Variants in MMP20 observed in about 807,000 individuals in gnomAD.
The protein encoded by MMP20 is matrix metallopeptidase 20.
A neutral mutation model predicts 51.8 loss-of-function variants in MMP20; 50 were observed. That is an observed-to-expected ratio of 0.97 (90% CI 0.77 to 1.22). The LOEUF (loss-of-function observed/expected upper bound fraction) is 1.22. Ranked by LOEUF, MMP20 falls within the 50% of genes most tolerant of loss-of-function variation. The probability of loss-of-function intolerance (pLI) is 0.00; values close to 1 mark genes in which losing one functional copy is unlikely to be tolerated. For synonymous variants in MMP20, 244 were observed against 216.2 expected (o/e 1.13, Z -1.13); for missense variants, 663 against 601.4 (o/e 1.10, Z -1.07).
chr11:102,578,068 T>C (rs2135925899), intron 9 of MMP20, among the ~76,000 whole-genome samples: 1 of 152,312 alleles, frequency 6.6e-6, no homozygotes, highest in South Asian at 2.1e-4. Context: ...CAAAGTTCTA[T>C]TCAACTTTCC....
chr11:102,615,592 G>A (rs1054865423), intron 2 of MMP20, among the ~76,000 whole-genome samples: 1 of 152,102 alleles, frequency 6.6e-6, no homozygotes, highest in African/African-American at 2.4e-5. Flanking sequence ...CCACCGCCCT[G>A]GGGATAAAGT....
At chr11:102,595,416 C>A (rs1035689185) in intron 6 of MMP20, among the ~76,000 whole-genome samples, 4 of 152,182 alleles carry the variant, frequency 2.6e-5, no homozygotes, top group African/African-American at 7.2e-5. Flanking sequence ...TGCACCCCCC[C>A]ATTCCAAATA....
intron 3 of MMP20, 45 bp downstream of exon 3, chr11:102,611,710 C>A: frequency 6.2e-7 from 1 of 1,604,746 alleles, no homozygotes; most frequent in Non-Finnish European, 8.5e-7. Flanking sequence ...AGTATTGGGA[C>A]AACTCTCCTT....
At chr11:102,606,504 A>G (rs1859518137) in intron 6 of MMP20, 31 bp downstream of exon 6, 3 of 1,613,378 alleles carry the variant, frequency 1.9e-6, no homozygotes, top group East Asian at 4.5e-5. Flanking sequence ...GATGAGGCCC[A>G]ATGAGAGTCG....
rs144425539 is a variant in MMP20, at chr11:102,594,771, C to CAA, written c.954-16_954-15dup. ...CTCCAGAAAATCCTATGGGACATTC[C>CAA]AAAAAAAAAAAAAAAAAAAATCAAG... On this transcript the variant is annotated splice_polypyrimidine_tract_variant and intron_variant, in intron 6 of 9. Coordinates refer to ENST00000260228, the MANE Select transcript of MMP20 (RefSeq NM_004771.4). 2.7e-4 allele frequency: 384 copies of CAA among 1,403,202 alleles called. 2 individuals carry two copies. Among genetic ancestry groups the CAA allele is most frequent in the South Asian group, 8.7e-4 (64 of 73,248 alleles). The allele number at this position is 1,403,202 out of a possible 1,614,324, so 86.9% of individuals were successfully genotyped here. A position where few individuals can be genotyped will look rare whatever the true frequency, so the allele number is the denominator to read the frequency against.
Position 102,594,771 on chromosome 11 carries a change from CAAAAAAA to C in MMP20, c.954-21_954-15del, listed in dbSNP as rs144425539. 101 of 1,404,288 alleles carry C rather than the reference CAAAAAAA, an allele frequency of 7.2e-5. No homozygotes were observed. Among genetic ancestry groups the C allele is most frequent in the Non-Finnish European group, 8.6e-5 (92 of 1,068,242 alleles). The allele number at this position is 1,404,288 out of a possible 1,614,324, so 87.0% of individuals were successfully genotyped here. A position where few individuals can be genotyped will look rare whatever the true frequency, so the allele number is the denominator to read the frequency against. On this transcript the variant is annotated splice_polypyrimidine_tract_variant and intron_variant, in intron 6 of 9. Coordinates refer to ENST00000260228, the MANE Select transcript of MMP20 (RefSeq NM_004771.4). ...CTCCAGAAAATCCTATGGGACATTC[CAAAAAAA>C]AAAAAAAAAAAAATCAAGATCAATG... is the stretch of plus-strand genomic sequence containing the variant.
chr11:102,582,919 AT>A (rs1204709061), intron 8 of MMP20, among the ~76,000 whole-genome samples: 5 of 152,162 alleles, frequency 3.3e-5, no homozygotes, highest in African/African-American at 1.2e-4. Context: ...CTTGGACCCC[AT>A]CTTCCTGGGC....
intron 8 of MMP20, among the ~76,000 whole-genome samples, chr11:102,590,867 C>T (rs1859309189): frequency 6.6e-6 from 1 of 152,132 alleles, no homozygotes; most frequent in South Asian, 2.1e-4. Context: ...CTGGCCACCT[C>T]GAGTCATGAG....
At chr11:102,604,019 TG>T (rs1231557741) in intron 6 of MMP20, among the ~76,000 whole-genome samples, 1 of 106,368 alleles carries the variant, frequency 9.4e-6, no homozygotes, top group Admixed American at 9.4e-5. Context: ...TAAACAGAGG[TG>T]TTTTTTTTTT....
chr11:102,596,949 C>A (rs1212656951), intron 6 of MMP20, among the ~76,000 whole-genome samples: 1 of 152,292 alleles, frequency 6.6e-6, no homozygotes, highest in East Asian at 1.9e-4. Context: ...TAATTGGGAA[C>A]CTGGGATGAA....
At chr11:102,600,666 T>A (rs1859434488) in intron 6 of MMP20, among the ~76,000 whole-genome samples, 1 of 152,086 alleles carries the variant, frequency 6.6e-6, no homozygotes, top group Non-Finnish European at 1.5e-5. Flanking sequence ...TTTGTATTTT[T>A]AGTAGAGACA....
At chr11:102,620,902 G>T (rs1464059968) in intron 1 of MMP20, among the ~76,000 whole-genome samples, 1 of 152,212 alleles carries the variant, frequency 6.6e-6, no homozygotes, top group South Asian at 2.1e-4. Flanking sequence ...CAGGGAGGGG[G>T]TGAGGGCATA....
At chr11:102,618,319 GTTTA>G (rs566368213) in intron 1 of MMP20, among the ~76,000 whole-genome samples, 7 of 151,394 alleles carry the variant, frequency 4.6e-5, no homozygotes, top group African/African-American at 1.4e-4. Context: ...GTATAGACAT[GTTTA>G]TTTATTAGAT....
At chr11:102,590,945 T>C (rs960662574) in intron 8 of MMP20, among the ~76,000 whole-genome samples, 1 of 152,218 alleles carries the variant, frequency 6.6e-6, no homozygotes, top group African/African-American at 2.4e-5. Context: ...CTTGGGTCCC[T>C]GTTGATCACC....
At position 102,590,473 on chromosome 11, in the gene MMP20, G is replaced by A. The variant is rs183761245; in HGVS notation, c.1247+2966C>T. 2.7e-4 allele frequency among the ~76,000 whole-genome samples: 41 copies of A among 152,212 alleles called. No homozygotes were observed. In the East Asian group the frequency reaches 7.7e-3, roughly 29 times the overall value. On this transcript the variant is annotated intron_variant, in intron 8 of 9. Coordinates refer to ENST00000260228, the MANE Select transcript of MMP20 (RefSeq NM_004771.4). ...CCCTTTTAGAGCCTAATCCAACCTG[G>A]CCCCAAGCCAACCTTCAATCCTCTG... is the stretch of plus-strand genomic sequence containing the variant.
intron 1 of MMP20, among the ~76,000 whole-genome samples, chr11:102,618,334 A>G (rs1859701476): frequency 6.6e-6 from 1 of 151,540 alleles, no homozygotes; most frequent in Admixed American, 6.6e-5. Context: ...TTTATTAGAT[A>G]TAAATTACAT....
At chr11:102,612,150 A>G (rs1859609976) in intron 2 of MMP20, among the ~76,000 whole-genome samples, 1 of 152,224 alleles carries the variant, frequency 6.6e-6, no homozygotes, top group Admixed American at 6.5e-5. Flanking sequence ...CATTGTTATT[A>G]TACTACCACC....
intron 8 of MMP20, among the ~76,000 whole-genome samples, chr11:102,588,228 A>G (rs1312397975): frequency 1.3e-5 from 2 of 152,224 alleles, no homozygotes; most frequent in Middle Eastern, 3.4e-3. Flanking sequence ...TTACTCCTAT[A>G]TAACTCTATT....
Position 102,577,050 on chromosome 11 carries a change from T to C in MMP20, c.*276A>G. On this transcript the variant is annotated 3_prime_UTR_variant, in exon 10 of 10. Coordinates refer to ENST00000260228, the MANE Select transcript of MMP20 (RefSeq NM_004771.4). ...AACGGATCAATCTGCTTCAGTATAT[T>C]AGGTAAGAAAAAATAATGGTGTCTA... 1 of 406,026 alleles carries C rather than the reference T, an allele frequency of 2.5e-6. No individual in the cohort carries two copies. The allele number at this position is 406,026 out of a possible 1,614,324, so 25.2% of individuals were successfully genotyped here. A position where few individuals can be genotyped will look rare whatever the true frequency, so the allele number is the denominator to read the frequency against.
Sources: allele counts gnomAD v4.1 joint callset (sites outside exome capture counted in the v4.1 genomes callset), GRCh38; gene constraint gnomAD v4.1.1; transcripts MANE v1.5; gene names NCBI Gene and HGNC (gene_info 2026-07-23, HGNC 2026-07-21).